SH3BGRL: variants seen among roughly 807,000 people sequenced by gnomAD.
SH3BGRL encodes adapter SH3BGRL.
A neutral mutation model predicts 9.8 loss-of-function variants in SH3BGRL; 7 were observed. That is an observed-to-expected ratio of 0.72 (90% CI 0.41 to 1.35). The LOEUF is 1.35. Among genes scored for constraint, SH3BGRL ranks in the 40% most tolerant of loss-of-function variants. The pLI is 0.01. For missense variants in SH3BGRL, 73 were observed against 84.4 expected (o/e 0.86, Z 0.53); for synonymous variants, 36 against 29.1 (o/e 1.24, Z -0.76).
intron 3 of SH3BGRL, among the ~76,000 whole-genome samples, chrX:81,285,258 G>C (rs1032315229): frequency 5.4e-5 from 6 of 111,457 alleles, no homozygotes; most frequent in African/African-American, 9.8e-5. Flanking sequence ...AAAGTGAATT[G>C]ATAATAAAAG....
chrX:81,267,844 C>T (rs2075763189), intron 1 of SH3BGRL, among the ~76,000 whole-genome samples: 1 of 111,538 alleles, frequency 9.0e-6, no homozygotes, highest in Non-Finnish European at 1.9e-5. Context: ...CCGTCTGGTC[C>T]TGGACTTTTT....
chrX:81,234,007 G>A (rs2075640246), intron 1 of SH3BGRL, among the ~76,000 whole-genome samples: 1 of 111,298 alleles, frequency 9.0e-6, no homozygotes, highest in Non-Finnish European at 1.9e-5. Flanking sequence ...GGAAGTTTGT[G>A]TTTTTTTCTA....
intron 1 of SH3BGRL, among the ~76,000 whole-genome samples, chrX:81,270,013 C>T (rs1425714388): frequency 9.1e-6 from 1 of 110,064 alleles, no homozygotes; most frequent in Non-Finnish European, 1.9e-5. Context: ...ATTGAATGAG[C>T]CATTGAAGCT....
chrX:81,238,827 G>GAGA lies in SH3BGRL; in HGVS notation c.45+36582_45+36583insAGA, dbSNP rs2075657850. Among the ~76,000 whole-genome samples the GAGA allele has an allele frequency of 5.4e-4, 44 of 81,043 alleles. 1 individual carries two copies. The highest frequency in any genetic ancestry group is 1.9e-3 in the African/African-American group (44 of 23,315). 70.4% of individuals were successfully genotyped at this position (81,043 alleles called of 115,157 possible). ...GAGAGAGAGAGAGAGAGAGAGAGAGGGAGAGAGAGACTCCATTGCTTGGGA... is the reference window on the plus strand; with the variant it reads ...GAGAGAGAGAGAGAGAGAGAGAGAGGAGAGAGAGAGAGACTCCATTGCTTGGGA... On this transcript the variant is annotated intron_variant, in intron 1 of 3. Transcript: ENST00000373212.
chrX:81,244,085 A>T (rs1394358121), intron 1 of SH3BGRL, among the ~76,000 whole-genome samples: 3 of 111,405 alleles, frequency 2.7e-5, no homozygotes, highest in African/African-American at 9.8e-5. Context: ...TTATTGAGTT[A>T]TTTTTTTTCT....
At chrX:81,261,491 T>G (rs1052862767) in intron 1 of SH3BGRL, among the ~76,000 whole-genome samples, 9 of 111,321 alleles carry the variant, frequency 8.1e-5, no homozygotes, top group African/African-American at 2.6e-4. Context: ...CACCTTCTGA[T>G]AGCCTAAAGT....
At chrX:81,286,498 C>CAAAAAA (rs570813241) in intron 3 of SH3BGRL, among the ~76,000 whole-genome samples, 8 of 46,396 alleles carry the variant, frequency 1.7e-4, no homozygotes, top group African/African-American at 5.6e-4. Flanking sequence ...AGCTACTAGG[C>CAAAAAA]AAAAAAAAAA....
At chrX:81,268,505 C>A (rs2075765718) in intron 1 of SH3BGRL, among the ~76,000 whole-genome samples, 1 of 111,601 alleles carries the variant, frequency 9.0e-6, no homozygotes, top group South Asian at 3.7e-4. Flanking sequence ...GTAGGTTGTT[C>A]AGTTTCCATG....
intron 1 of SH3BGRL, among the ~76,000 whole-genome samples, chrX:81,247,471 G>T: frequency 9.0e-6 from 1 of 111,545 alleles, no homozygotes; most frequent in East Asian, 2.8e-4. Flanking sequence ...TTATTTTGAG[G>T]TATGGTTCTT....
At chrX:81,241,184 C>T (rs1023883790) in intron 1 of SH3BGRL, among the ~76,000 whole-genome samples, 5 of 112,092 alleles carry the variant, frequency 4.5e-5, no homozygotes, top group Non-Finnish European at 9.4e-5. Context: ...CACAGCAGAC[C>T]CTGCTGCCTC....
intron 1 of SH3BGRL, among the ~76,000 whole-genome samples, chrX:81,225,943 C>G (rs2075615401): frequency 9.0e-6 from 1 of 111,271 alleles, no homozygotes; most frequent in African/African-American, 3.3e-5. Context: ...TAAACATCTA[C>G]TCTCATCATT....
chrX:81,279,511 GC>G (rs2147713712), intron 3 of SH3BGRL, among the ~76,000 whole-genome samples: 1 of 111,122 alleles, frequency 9.0e-6, no homozygotes, highest in East Asian at 2.9e-4. Flanking sequence ...TACTGTGAGT[GC>G]CCCAACTGAG....
chrX:81,288,854 C>G lies in SH3BGRL; in HGVS notation c.313-8341C>G, dbSNP rs138814854. Among the ~76,000 whole-genome samples the G allele has an allele frequency of 6.6e-4, 73 of 111,438 alleles. 2 individuals carry two copies. In the East Asian group the frequency reaches 0.018, roughly 28 times the overall value. On this transcript the variant is annotated intron_variant, in intron 3 of 3. Coordinates refer to ENST00000373212, the MANE Select transcript of SH3BGRL (RefSeq NM_003022.3). ...TAATCAATACATTAAAATGTTCATACTGTCCAAAACAATCTACAGATTCAA... is the reference window on the plus strand; with the variant it reads ...TAATCAATACATTAAAATGTTCATAGTGTCCAAAACAATCTACAGATTCAA...
At chrX:81,290,072 A>G (rs1216215789) in intron 3 of SH3BGRL, among the ~76,000 whole-genome samples, 1 of 111,945 alleles carries the variant, frequency 8.9e-6, no homozygotes, top group Non-Finnish European at 1.9e-5. Flanking sequence ...AAGGTCAGGC[A>G]ATAATACATG....
chrX:81,238,792 C>CAG (rs766291990), intron 1 of SH3BGRL, among the ~76,000 whole-genome samples: 5,559 of 91,300 alleles, frequency 0.061, 159 homozygotes, highest in Non-Finnish European at 0.068. Context: ...TAGTGCAGAA[C>CAG]AGAGAGAGAG....
At chrX:81,250,055 G>A (rs1326695862) in intron 1 of SH3BGRL, among the ~76,000 whole-genome samples, 2 of 108,250 alleles carry the variant, frequency 1.8e-5, no homozygotes, top group Non-Finnish European at 3.8e-5. Flanking sequence ...ATACTAAGCA[G>A]CATCTTGTCT....
rs748353277 is a variant in SH3BGRL, at chrX:81,272,502, C to CT, written c.46-4466dup. Reference sequence around the variant, plus strand: ...TCATTACTTTTCTTTTTTTTCTTTTCTTTTTTTTTTTTTTTTGAGACAGAG... The same window carrying CT: ...TCATTACTTTTCTTTTTTTTCTTTTCTTTTTTTTTTTTTTTTTGAGACAGAG... On this transcript the variant is annotated intron_variant, in intron 1 of 3. Transcript: ENST00000373212. Among the ~76,000 whole-genome samples, 744 of 95,575 alleles carry CT rather than the reference C, an allele frequency of 7.8e-3. 7 individuals carry two copies. The highest frequency in any genetic ancestry group is 0.021 in the Middle Eastern group (4 of 188). The allele number at this position is 95,575 out of a possible 115,157, so 83.0% of individuals were successfully genotyped here. A position where few individuals can be genotyped will look rare whatever the true frequency, so the allele number is the denominator to read the frequency against.
rs2075819340 is a variant in SH3BGRL, at chrX:81,282,086, G to A, written c.312+3675G>A. On this transcript the variant is annotated intron_variant, in intron 3 of 3. Coordinates refer to ENST00000373212, the MANE Select transcript of SH3BGRL (RefSeq NM_003022.3). ...CAACAGTGGTAAAAGAGACAAAGAG[G>A]GACATTATATAATGGTGAAAGACCT... Among the ~76,000 whole-genome samples, 3 of 111,564 alleles carry A rather than the reference G, an allele frequency of 2.7e-5. No individual in the cohort carries two copies. In the South Asian group the frequency reaches 1.1e-3, roughly 42 times the overall value.
intron 3 of SH3BGRL, among the ~76,000 whole-genome samples, chrX:81,285,386 G>A (rs1305331269): frequency 9.0e-6 from 1 of 111,525 alleles, no homozygotes; most frequent in African/African-American, 3.3e-5. Flanking sequence ...ACTGATGTTG[G>A]CATAAATTGG....
Sources: allele counts gnomAD v4.1 joint callset (sites outside exome capture counted in the v4.1 genomes callset), GRCh38; gene constraint gnomAD v4.1.1; transcripts MANE v1.5; gene names NCBI Gene and HGNC (gene_info 2026-07-23, HGNC 2026-07-21).